Variants in DNAJC6 observed in about 807,000 individuals in gnomAD.
DNAJC6 encodes auxilin.
DNAJC6 carries 34 observed loss-of-function variants against 110.0 expected under a neutral mutation model. The ratio of observed to expected loss-of-function variants is 0.31; its 90% CI spans 0.24 to 0.41. The LOEUF (loss-of-function observed/expected upper bound fraction) is 0.41, where lower values mean the gene tolerates loss of function less well. Among genes scored for constraint, DNAJC6 ranks in the 10% least tolerant of loss-of-function variants. The pLI, the probability that DNAJC6 is intolerant of heterozygous loss-of-function variation, is 1.00. For synonymous variants in DNAJC6, 406 were observed against 437.2 expected, an observed-to-expected ratio of 0.93 and a Z score of 0.89; for missense variants, 1,031 against 1,207.8, an observed-to-expected ratio of 0.85 and a Z score of 2.17.
chr1:65,284,187 C>A (rs1388221754), intron 1 of DNAJC6, among the ~76,000 whole-genome samples: 2 of 152,152 alleles, frequency 1.3e-5, no homozygotes, highest in Non-Finnish European at 2.9e-5. Context: ...AGTGATGTCA[C>A]CCTCCCACTT....
At chr1:65,340,509 G>A (rs1645379495) in intron 1 of DNAJC6, among the ~76,000 whole-genome samples, 2 of 152,188 alleles carry the variant, frequency 1.3e-5, no homozygotes, top group South Asian at 4.1e-4. Flanking sequence ...GATAGTGAAA[G>A]GGCATGAGAT....
At chr1:65,306,992 CTCTCTCTCTCTCTCTCTCTCTCTCTCTA>C (rs1446298884), upstream of DNAJC6, among the ~76,000 whole-genome samples, 2 of 110,248 alleles carry the variant, frequency 1.8e-5, no homozygotes, top group East Asian at 3.3e-4. Flanking sequence ...CTCTCTCTCT[CTCTCTCTCTCTCTCTCTCTCTCTCTCTA>C]TATATATATA....
At chr1:65,356,899 A>G (rs951883832) in intron 1 of DNAJC6, among the ~76,000 whole-genome samples, 4 of 152,174 alleles carry the variant, frequency 2.6e-5, no homozygotes, top group Admixed American at 6.5e-5. Context: ...CTGGAGTGAG[A>G]TGAATGGGGA....
chr1:65,405,827 C>T (rs1272162701), intron 15 of DNAJC6, 43 bp from the exon 16 acceptor site: 1 of 1,544,114 alleles, frequency 6.5e-7, no homozygotes, highest in Non-Finnish European at 8.7e-7. Flanking sequence ...AGTTAGAGGC[C>T]ACTCAAAATA....
At chr1:65,324,346 T>A (rs994428167) in intron 1 of DNAJC6, among the ~76,000 whole-genome samples, 1 of 151,726 alleles carries the variant, frequency 6.6e-6, no homozygotes, top group Admixed American at 6.6e-5. Flanking sequence ...CTAGCTAAGT[T>A]TTTTTTGTTT....
At chr1:65,335,614 G>A (rs903102985) in intron 1 of DNAJC6, among the ~76,000 whole-genome samples, 1 of 152,140 alleles carries the variant, frequency 6.6e-6, no homozygotes, top group Non-Finnish European at 1.5e-5. Flanking sequence ...GGCTCACTGG[G>A]GGAATAGTGG....
intron 1 of DNAJC6, among the ~76,000 whole-genome samples, chr1:65,342,199 A>G (rs1645395169): frequency 6.6e-6 from 1 of 152,146 alleles, no homozygotes. Flanking sequence ...CCTAGGGAAG[A>G]GCCTGGCTGT....
At chr1:65,309,536 G>C, upstream of DNAJC6, 3 of 1,206,450 alleles carry the variant, frequency 2.5e-6, no homozygotes, top group Non-Finnish European at 2.1e-6. Context: ...CCTCCTCCCG[G>C]CGCCCCGAGC....
chr1:65,296,014 C>T (rs1048901014), intron 1 of DNAJC6, among the ~76,000 whole-genome samples: 2 of 152,220 alleles, frequency 1.3e-5, no homozygotes, highest in Non-Finnish European at 2.9e-5. Context: ...GACATAGTTA[C>T]CACTACTTGG....
chr1:65,365,460 A>T (rs1645636988), intron 2 of DNAJC6, among the ~76,000 whole-genome samples: 1 of 152,158 alleles, frequency 6.6e-6, no homozygotes, highest in Non-Finnish European at 1.5e-5. Flanking sequence ...AACTATTCTT[A>T]CCTCTGATTC....
chr1:65,308,076 T>C (rs1016075777), upstream of DNAJC6, among the ~76,000 whole-genome samples: 3 of 152,198 alleles, frequency 2.0e-5, no homozygotes, highest in African/African-American at 7.2e-5. Context: ...TGTCTCTTAG[T>C]CCAATTTATT....
At chr1:65,406,942 T>C (rs569185855) in intron 16 of DNAJC6, among the ~76,000 whole-genome samples, 6 of 152,304 alleles carry the variant, frequency 3.9e-5, no homozygotes, top group African/African-American at 1.2e-4. Context: ...GTAGCTAACA[T>C]TTATTGAGTC....
chr1:65,402,987 G>A (rs906987534), intron 15 of DNAJC6, among the ~76,000 whole-genome samples: 6 of 151,576 alleles, frequency 4.0e-5, no homozygotes, highest in Non-Finnish European at 8.8e-5. Context: ...AAGTATTTAA[G>A]GCACTTTTGT....
intron 1 of DNAJC6, among the ~76,000 whole-genome samples, chr1:65,281,719 C>T (rs1363118418): frequency 6.6e-6 from 1 of 152,042 alleles, no homozygotes; most frequent in East Asian, 1.9e-4. Context: ...CACCATTCTC[C>T]TGCCTCAGCC....
chr1:65,365,110 T>G (rs1325178405), intron 2 of DNAJC6, among the ~76,000 whole-genome samples: 2 of 152,188 alleles, frequency 1.3e-5, no homozygotes, highest in Non-Finnish European at 2.9e-5. Context: ...CTCAGAGCTT[T>G]TTTTTTATAC....
rs1312055301 is a variant in DNAJC6, at chr1:65,380,911, G to GTTTTTTTTTTTTTTTTTTTTTTTTT, written c.666+1391_666+1392insTTTTTTTTTTTTTTTTTTTTTTTTT. Among the ~76,000 whole-genome samples, 69 of 114,882 alleles carry GTTTTTTTTTTTTTTTTTTTTTTTTT rather than the reference G, an allele frequency of 6.0e-4. 12 individuals carry two copies. Among genetic ancestry groups the GTTTTTTTTTTTTTTTTTTTTTTTTT allele is most frequent in the African/African-American group, 2.7e-3 (62 of 23,284 alleles). 75.4% of individuals were successfully genotyped at this position (114,882 alleles called of 152,430 possible). ...GGGAGTTTTTTTTTTTTTGTTTTTTGTTTTGTTTTGTTTTTTTTTTTTTTT... is the reference window on the plus strand; with the variant it reads ...GGGAGTTTTTTTTTTTTTGTTTTTTGTTTTTTTTTTTTTTTTTTTTTTTTTTTTTGTTTTGTTTTTTTTTTTTTTT... On this transcript the variant is annotated intron_variant, in intron 5 of 18. Transcript: ENST00000371069.
intron 1 of DNAJC6, among the ~76,000 whole-genome samples, chr1:65,329,443 G>C (rs1453083988): frequency 1.3e-5 from 2 of 151,564 alleles, no homozygotes; most frequent in African/African-American, 4.8e-5. Flanking sequence ...GATAAAATGG[G>C]GATAGTAAAA....
chr1:65,389,506 C>G, intron 10 of DNAJC6, 41 bp from the exon 11 acceptor site: 1 of 1,613,700 alleles, frequency 6.2e-7, no homozygotes, highest in Non-Finnish European at 8.5e-7. Flanking sequence ...TTATTTATTT[C>G]CTGTGTCTCA....
At chr1:65,385,562 C>A in intron 6 of DNAJC6, 150 bp from the exon 7 acceptor site, 1 of 629,290 alleles carries the variant, frequency 1.6e-6, no homozygotes, top group South Asian at 4.1e-5. Flanking sequence ...TTATTGATCG[C>A]ATTATCTTTT....
Sources: allele counts gnomAD v4.1 joint callset (sites outside exome capture counted in the v4.1 genomes callset), GRCh38; gene constraint gnomAD v4.1.1; transcripts MANE v1.5; gene names NCBI Gene and HGNC (gene_info 2026-07-23, HGNC 2026-07-21).